Variants in WFDC1 observed in about 807,000 individuals in gnomAD.
The protein encoded by WFDC1 is WAP four-disulfide core domain 1, also known as WAP four-disulfide core domain protein 1.
Under a neutral mutation model 32.9 loss-of-function variants are expected in WFDC1, and 39 were observed. That is an observed-to-expected ratio of 1.19 (90% CI 0.92 to 1.55). The LOEUF (loss-of-function observed/expected upper bound fraction) is 1.55. WFDC1 is among the 40% of genes most tolerant of loss of function. WFDC1 has a pLI of 0.00. For missense variants in WFDC1, 386 were observed against 309.5 expected (o/e 1.25, Z -1.85); for synonymous variants, 184 against 137.4 (o/e 1.34, Z -2.37).
intron 1 of WFDC1, among the ~76,000 whole-genome samples, chr16:84,297,530 T>C (rs1906667678): frequency 6.7e-6 from 1 of 148,544 alleles, no homozygotes; most frequent in Non-Finnish European, 1.5e-5. Flanking sequence ...GGTGGAAGAA[T>C]TGCTTGAACC....
At chr16:84,318,419 C>G in intron 3 of WFDC1, 64 bp downstream of exon 3, 1 of 1,543,552 alleles carries the variant, frequency 6.5e-7, no homozygotes, top group Non-Finnish European at 8.9e-7. Context: ...CAGCTGCTTC[C>G]AGAAAGCTGG....
intron 1 of WFDC1, among the ~76,000 whole-genome samples, chr16:84,297,645 A>AATAGAAC (rs1555543161): frequency 3.7e-5 from 5 of 136,174 alleles, no homozygotes; most frequent in South Asian, 2.5e-4. Flanking sequence ...AAAAAAAAAA[A>AATAGAAC]AACTGTGCCT....
chr16:84,304,953 G>A (rs550738154), intron 1 of WFDC1, among the ~76,000 whole-genome samples: 7 of 152,340 alleles, frequency 4.6e-5, no homozygotes, highest in African/African-American at 1.7e-4. Context: ...GCACCATTGG[G>A]AAGCAACTCC....
chr16:84,318,461 G>A (rs1319042506), intron 3 of WFDC1, 106 bp downstream of exon 3: 2 of 1,052,876 alleles, frequency 1.9e-6, no homozygotes, highest in Non-Finnish European at 2.9e-6. Context: ...CCATGCACGG[G>A]CCCTTCAGCC....
chr16:84,315,231 G>C (rs781057814), intron 2 of WFDC1, among the ~76,000 whole-genome samples: 18 of 152,194 alleles, frequency 1.2e-4, no homozygotes, highest in Non-Finnish European at 2.4e-4. Flanking sequence ...TATTTCCAAA[G>C]GCCACTTTTC....
At chr16:84,303,422 A>G (rs1907065112) in intron 1 of WFDC1, among the ~76,000 whole-genome samples, 1 of 151,868 alleles carries the variant, frequency 6.6e-6, no homozygotes, top group African/African-American at 2.4e-5. Context: ...CTTTTTCCCT[A>G]AATGGAAGTG....
At chr16:84,317,994 G>C (rs893569067) in intron 2 of WFDC1, 21 of 356,252 alleles carry the variant, frequency 5.9e-5, no homozygotes, top group African/African-American at 3.7e-4. Flanking sequence ...GCCCCGATTG[G>C]AGGGTGAGAC....
intron 1 of WFDC1, among the ~76,000 whole-genome samples, chr16:84,300,732 G>A (rs1906884631): frequency 6.6e-6 from 1 of 152,200 alleles, no homozygotes; most frequent in African/African-American, 2.4e-5. Context: ...CACTTTGGGA[G>A]GCCGAGGTGG....
At chr16:84,323,627 C>T (rs1230771806) in intron 4 of WFDC1, among the ~76,000 whole-genome samples, 1 of 152,140 alleles carries the variant, frequency 6.6e-6, no homozygotes, top group African/African-American at 2.4e-5. Context: ...AATTTTATGC[C>T]TATTTTTAGG....
intron 4 of WFDC1, among the ~76,000 whole-genome samples, chr16:84,323,406 C>T (rs1908417935): frequency 6.6e-6 from 1 of 152,232 alleles, no homozygotes; most frequent in African/African-American, 2.4e-5. Context: ...CAAGCATCCA[C>T]ATGTCCTGGT....
intron 2 of WFDC1, chr16:84,317,292 CAAAATAAA>C (rs1158242428): frequency 4.0e-5 from 4 of 101,000 alleles, no homozygotes; most frequent in Non-Finnish European, 7.8e-5. Context: ...GACTCTGTCT[CAAAATAAA>C]TAAATAAATA....
At chr16:84,313,179 G>A in intron 2 of WFDC1, 26 bp downstream of exon 2, 2 of 1,398,666 alleles carry the variant, frequency 1.4e-6, no homozygotes, top group Non-Finnish European at 1.8e-6. Context: ...GAGGGAGGGG[G>A]CTGAGGGAGG....
At chr16:84,327,070 G>A in intron 6 of WFDC1, 115 bp downstream of exon 6, 2 of 987,344 alleles carry the variant, frequency 2.0e-6, no homozygotes, top group Admixed American at 2.1e-5. Context: ...TTTCCCTACT[G>A]GTAGAATTTG....
At position 84,318,260 on chromosome 16, in the gene WFDC1, G is replaced by A. The variant is rs376828294; in HGVS notation, c.338-12G>A. 98 of 1,613,958 alleles carry A rather than the reference G, an allele frequency of 6.1e-5. 1 individual carries two copies. The highest frequency in any genetic ancestry group is 1.7e-4 in the Middle Eastern group (1 of 6,058). On this transcript the variant is annotated splice_polypyrimidine_tract_variant and intron_variant, in intron 2 of 6. Transcript: ENST00000219454. Reference sequence around the variant, plus strand: ...TTGAGGAGGGCCCTGATCTGACCCCGTATTGTGTTAGTCTTAGACTGGCTG... The same window carrying A: ...TTGAGGAGGGCCCTGATCTGACCCCATATTGTGTTAGTCTTAGACTGGCTG...
intron 4 of WFDC1, among the ~76,000 whole-genome samples, chr16:84,320,434 C>A (rs899435160): frequency 6.6e-6 from 1 of 152,216 alleles, no homozygotes; most frequent in Non-Finnish European, 1.5e-5. Context: ...TCTGCCAGGA[C>A]TGTTCAGTTT....
At chr16:84,318,569 C>T (rs3743647) in intron 3 of WFDC1, 388,814 of 514,162 alleles carry the variant, frequency 0.76, 150,321 homozygotes, top group Non-Finnish European at 0.81. Context: ...ATAAGGGCTT[C>T]GACTCTCCCC....
chr16:84,309,020 G>T (rs1038515537), intron 1 of WFDC1, among the ~76,000 whole-genome samples: 7 of 152,208 alleles, frequency 4.6e-5, no homozygotes, highest in African/African-American at 1.4e-4. Flanking sequence ...AGGTCACACA[G>T]CAAGTGAGTG....
At chr16:84,308,740 G>C (rs1294585568) in intron 1 of WFDC1, among the ~76,000 whole-genome samples, 1 of 152,000 alleles carries the variant, frequency 6.6e-6, no homozygotes, top group Non-Finnish European at 1.5e-5. Context: ...CCTGGGTGTA[G>C]ACGCCATCCT....
intron 1 of WFDC1, 45 bp downstream of exon 1, chr16:84,295,160 G>C: frequency 1.2e-6 from 2 of 1,604,382 alleles, no homozygotes; most frequent in Non-Finnish European, 1.7e-6. Flanking sequence ...GTGTGGGTGG[G>C]AGTCAGCCTT....
Sources: allele counts gnomAD v4.1 joint callset (sites outside exome capture counted in the v4.1 genomes callset), GRCh38; gene constraint gnomAD v4.1.1; transcripts MANE v1.5; gene names NCBI Gene and HGNC (gene_info 2026-07-23, HGNC 2026-07-21).